The following ZC3H12A variants were observed in gnomAD, a reference collection of about 807,000 sequenced individuals.
The protein encoded by ZC3H12A is zinc finger CCCH-type containing 12A, also known as endoribonuclease ZC3H12A.
ZC3H12A carries 9 observed loss-of-function variants against 29.9 expected under a neutral mutation model. The observed-to-expected ratio is 0.30, with a 90% CI of 0.18 to 0.53. The LOEUF (loss-of-function observed/expected upper bound fraction) is 0.53. ZC3H12A is among the 20% of genes least tolerant of loss of function. The probability of loss-of-function intolerance (pLI) is 0.96; values close to 1 mark genes in which losing one functional copy is unlikely to be tolerated. For synonymous variants in ZC3H12A, 323 were observed against 338.1 expected (o/e 0.96, Z 0.49); for missense variants, 617 against 799.0 (o/e 0.77, Z 2.75).
intron 3 of ZC3H12A, 125 bp downstream of exon 3, chr1:37,480,554 TCA>T (rs1299954268): frequency 1.5e-5 from 20 of 1,336,538 alleles, no homozygotes; most frequent in East Asian, 5.2e-5. Context: ...ATTTCTTTTC[TCA>T]GTTTTTTCTG....
In ZC3H12A at chr1:37,481,735, G is replaced by A. The variant is rs16824179; in HGVS notation, c.718G>A (p.Val240Met). 1,555 of 1,614,240 alleles carry A rather than the reference G, an allele frequency of 9.6e-4. 4 individuals carry two copies. Among genetic ancestry groups the A allele is most frequent in the African/African-American group, 9.2e-3 (688 of 75,060 alleles). ...VKLAYESDGI[V>M]VSNDTYRDLQ... ...GCTGGCCTACGAGTCTGACGGGATCGTGGTTTCCAACGACACATACCGTGA... is the reference window on the plus strand; with the variant it reads ...GCTGGCCTACGAGTCTGACGGGATCATGGTTTCCAACGACACATACCGTGA... The change falls in exon 4 of 6, where the codon GTG becomes ATG. Residue 240 changes from valine to methionine, a missense_variant. Coordinates refer to ENST00000373087, the MANE Select transcript of ZC3H12A (RefSeq NM_025079.3).
Position 37,475,510 on chromosome 1 carries a change from G to A in ZC3H12A, c.14G>A (p.Cys5Tyr). The stretch of plus-strand genomic sequence containing the variant: ...GGAGTCTGAGCTATGAGTGGCCCCT[G>A]TGGAGAGAAGCCTGTCCTGGAAGCC... MSGPCGEKPVLEASP... is the reference protein window; with the variant it reads MSGPYGEKPVLEASP... Residue 5 changes from cysteine to tyrosine, a missense_variant, in exon 2 of 6, where the codon TGT becomes TAT. Physicochemically the swap from Cys to Tyr is radical, Grantham distance 194. Coordinates refer to ENST00000373087, the MANE Select transcript of ZC3H12A (RefSeq NM_025079.3). The surrounding 1 kb of genome is among the most constrained non-coding windows in gnomAD (Gnocchi z 5.2). 1.9e-6 allele frequency: 3 copies of A among 1,608,774 alleles called. No individual in the cohort carries two copies. The highest frequency in any genetic ancestry group is 2.5e-6 in the Non-Finnish European group (3 of 1,177,534).
In ZC3H12A at chr1:37,483,729, G is replaced by A; in HGVS notation, c.*118G>A. 3.0e-6 allele frequency: 4 copies of A among 1,331,450 alleles called. No individual in the cohort carries two copies. Among genetic ancestry groups the A allele is most frequent in the South Asian group, 1.5e-5 (1 of 65,152 alleles). The allele number at this position is 1,331,450 out of a possible 1,614,324, so 82.5% of individuals were successfully genotyped here. On this transcript the variant is annotated 3_prime_UTR_variant, in exon 6 of 6. Transcript: ENST00000373087. ...GCCCACCCCAGAGGCTGGACAGAGG[G>A]AGGATTCAAGTCGGGAAGGAAACCC...
At position 37,478,701 on chromosome 1, in the gene ZC3H12A, C is replaced by T. The variant is rs1641640465; in HGVS notation, c.444-1589C>T. 5.9e-6 allele frequency: 2 copies of T among 339,164 alleles called. No homozygotes were observed. Among genetic ancestry groups the T allele is most frequent in the African/African-American group, 4.4e-5 (2 of 45,188 alleles). The allele number at this position is 339,164 out of a possible 1,614,324, so 21.0% of individuals were successfully genotyped here. On this transcript the variant is annotated intron_variant, in intron 2 of 5. Transcript: ENST00000373087. This position sits in a 1 kb window ranked among gnomAD's most constrained non-coding sequence, Gnocchi z 5.2. ...CTGCTGTGTGACCCTGGTGACTAAG[C>T]TGCCTTCTCTGGACCACAGTTTTCA...
chr1:37,482,928 CAG>C lies in ZC3H12A; in HGVS notation c.1118_1119del (p.Gln373LeufsTer35). 6.2e-7 allele frequency: 1 copy of C among 1,613,656 alleles called. No homozygotes were observed. Among genetic ancestry groups the C allele is most frequent in the South Asian group, 1.1e-5 (1 of 91,078 alleles). ...QSSSLLTESE[Q>X]CSLDGKKLGA... ...CAGCTCTCTGCTAACAGAGAGTGAG[CAG>C]TGCAGCCTGGATGGGAAGAAGCTGG... On this transcript the variant is annotated frameshift_variant, in exon 6 of 6. Coordinates refer to ENST00000373087, the MANE Select transcript of ZC3H12A (RefSeq NM_025079.3). LOFTEE classifies it low-confidence loss of function (END_TRUNC).
Position 37,481,755 on chromosome 1 carries a change from C to T in ZC3H12A, c.738C>T (p.Tyr246=). ...GGATCGTGGTTTCCAACGACACATA[C>T]CGTGACCTCCAAGGCGAGCGGCAGG... ...SDGIVVSNDT[Y]RDLQGERQEW... is the part of the protein sequence containing the mutation. The change falls in exon 4 of 6, where the codon TAC becomes TAT. Residue 246 remains tyrosine (Y), a synonymous_variant. Transcript: ENST00000373087. 1 of 1,614,236 alleles carries T rather than the reference C, an allele frequency of 6.2e-7. No individual in the cohort carries two copies. Among genetic ancestry groups the T allele is most frequent in the Non-Finnish European group, 8.5e-7 (1 of 1,180,040 alleles).
chr1:37,483,345 CGA>C lies in ZC3H12A; in HGVS notation c.1538_1539del (p.Glu513ValfsTer4). ...ACCCGCGCCCCCTGCCTTTCCACCT[CGA>C]GAGTACTGGTCTGAACCATACCCAC... ...YPPAPPAFPP[R>X]EYWSEPYPLP... On this transcript the variant is annotated frameshift_variant, in exon 6 of 6. Coordinates refer to ENST00000373087, the MANE Select transcript of ZC3H12A (RefSeq NM_025079.3). LOFTEE classifies it high-confidence loss of function. The C allele has an allele frequency of 6.2e-7, 1 of 1,614,156 alleles. No homozygotes were observed. Among genetic ancestry groups the C allele is most frequent in the Non-Finnish European group, 8.5e-7 (1 of 1,180,002 alleles).
At chr1:37,481,925 T>C in intron 4 of ZC3H12A, 90 bp downstream of exon 4, 2 of 1,357,106 alleles carry the variant, frequency 1.5e-6, no homozygotes, top group Non-Finnish European at 2.0e-6. Flanking sequence ...GGGGCTGGGC[T>C]CTGCGGGGCC....
intron 4 of ZC3H12A, 132 bp from the exon 5 acceptor site, chr1:37,482,302 G>A: frequency 3.9e-6 from 3 of 769,102 alleles, no homozygotes; most frequent in African/African-American, 1.7e-5. Context: ...GTTTTGCGGG[G>A]TCCTGGACAG....
intron 3 of ZC3H12A, 119 bp from the exon 4 acceptor site, chr1:37,481,482 G>C: frequency 2.2e-6 from 2 of 924,968 alleles, no homozygotes; most frequent in African/African-American, 1.6e-5. Context: ...GTTAGTTCTT[G>C]CCCCGGTGAC....
In ZC3H12A at chr1:37,484,298, T is replaced by C. The variant is rs954215736; in HGVS notation, c.*687T>C. 14 of 152,278 alleles carry C rather than the reference T, an allele frequency of 9.2e-5. No homozygotes were observed. Among genetic ancestry groups the C allele is most frequent in the African/African-American group, 3.4e-4 (14 of 41,452 alleles). The allele number at this position is 152,278 out of a possible 1,614,324, so 9.4% of individuals were successfully genotyped here. A position where few individuals can be genotyped will look rare whatever the true frequency, so the allele number is the denominator to read the frequency against. On this transcript the variant is annotated 3_prime_UTR_variant, in exon 6 of 6. Transcript: ENST00000373087. ...ACCTGTGTTTGTTTGTGTGCACATGTAAATTTTAAATATTTTAAGCAGAAA... is the reference window on the plus strand; with the variant it reads ...ACCTGTGTTTGTTTGTGTGCACATGCAAATTTTAAATATTTTAAGCAGAAA...
In ZC3H12A at chr1:37,479,546, T is replaced by C. The variant is rs1217215094; in HGVS notation, c.444-744T>C. 1.0e-6 allele frequency: 1 copy of C among 985,270 alleles called. No homozygotes were observed. The highest frequency in any genetic ancestry group is 1.2e-6 in the Non-Finnish European group (1 of 829,930). 61.0% of individuals were successfully genotyped at this position (985,270 alleles called of 1,614,324 possible). On this transcript the variant is annotated intron_variant, in intron 2 of 5. Coordinates refer to ENST00000373087, the MANE Select transcript of ZC3H12A (RefSeq NM_025079.3). This position sits in a 1 kb window ranked among gnomAD's most constrained non-coding sequence, Gnocchi z 4.5. ...TCCTGATGGTCTTTCTGCCTTGGGG[T>C]GAAGAGGCATTTGGGGGAATTGCCA...
At chr1:37,477,490 CT>C (rs1186150075) in intron 2 of ZC3H12A, among the ~76,000 whole-genome samples, 1 of 152,200 alleles carries the variant, frequency 6.6e-6, no homozygotes, top group Non-Finnish European at 1.5e-5. Context: ...GCCACCCCCC[CT>C]CCCCAGGGGC....
rs572638982 is a variant in ZC3H12A at position 37,482,371 on chromosome 1, T to C, written c.819-63T>C. 3.8e-5 allele frequency: 54 copies of C among 1,419,412 alleles called. No individual in the cohort carries two copies. The African/African-American group carries it at 7.1e-4, about 19-fold the overall frequency. 87.9% of individuals were successfully genotyped at this position (1,419,412 alleles called of 1,614,324 possible). Reference sequence around the variant, plus strand: ...CCAGCAAGGCTTGCCATCGGCCCCTTCTCAGCAATTAGAAGTCCCTGCATG... The same window carrying C: ...CCAGCAAGGCTTGCCATCGGCCCCTCCTCAGCAATTAGAAGTCCCTGCATG... On this transcript the variant is annotated intron_variant, in intron 4 of 5. Transcript: ENST00000373087.
chr1:37,474,789 C>T (rs1641546692), intron 1 of ZC3H12A, among the ~76,000 whole-genome samples, 160 bp downstream of exon 1: 1 of 152,052 alleles, frequency 6.6e-6, no homozygotes, highest in Non-Finnish European at 1.5e-5. Flanking sequence ...GCCCGCCGGG[C>T]CTCAGGACCC....
intron 1 of ZC3H12A, among the ~76,000 whole-genome samples, chr1:37,474,920 C>T (rs1641550634): frequency 6.6e-6 from 1 of 152,212 alleles, no homozygotes; most frequent in Non-Finnish European, 1.5e-5. Flanking sequence ...CTCCCGGCAG[C>T]CAACCAAAGT....
In ZC3H12A at chr1:37,481,571, C is replaced by G. The variant is rs777397897; in HGVS notation, c.584-30C>G. On this transcript the variant is annotated intron_variant, in intron 3 of 5. Transcript: ENST00000373087. The stretch of plus-strand genomic sequence containing the variant: ...GGCCTGGCTCTAGGTCCCGCTGGGC[C>G]CTGACCTGTGTGCACCCGTCACCTC... 7 of 1,610,836 alleles carry G rather than the reference C, an allele frequency of 4.3e-6. No individual in the cohort carries two copies. In the Admixed American group the frequency reaches 5.0e-5, roughly 12 times the overall value.
Position 37,476,389 on chromosome 1 carries a change from G to A in ZC3H12A, c.443+450G>A, listed in dbSNP as rs189562508. ...GTAGGCAGTGGTAGTAGCAGTTGTT[G>A]TTGTTATTTCAGGGGCTGGGCTTCT... On this transcript the variant is annotated intron_variant, in intron 2 of 5. Transcript: ENST00000373087. The surrounding 1 kb of genome is among the most constrained non-coding windows in gnomAD (Gnocchi z 6.0). 6.8e-3 allele frequency among the ~76,000 whole-genome samples: 1,041 copies of A among 152,338 alleles called. 44 individuals carry two copies. The highest frequency in any genetic ancestry group is 0.056 in the Admixed American group (854 of 15,298).
In ZC3H12A at chr1:37,483,767, T is replaced by G; in HGVS notation, c.*156T>G. The G allele has an allele frequency of 9.9e-7, 1 of 1,005,508 alleles. No homozygotes were observed. Among genetic ancestry groups the G allele is most frequent in the Non-Finnish European group, 1.4e-6 (1 of 707,292 alleles). The allele number at this position is 1,005,508 out of a possible 1,614,324, so 62.3% of individuals were successfully genotyped here. A position where few individuals can be genotyped will look rare whatever the true frequency, so the allele number is the denominator to read the frequency against. ...GGGAAGGAAACCCACAAACCAAAGATACTGTAGGATTGGTTCTGGCCCATG... is the reference window on the plus strand; with the variant it reads ...GGGAAGGAAACCCACAAACCAAAGAGACTGTAGGATTGGTTCTGGCCCATG... On this transcript the variant is annotated 3_prime_UTR_variant, in exon 6 of 6. Coordinates refer to ENST00000373087, the MANE Select transcript of ZC3H12A (RefSeq NM_025079.3).
Sources: gnomAD v4.1 joint callset for allele counts (sites outside exome capture counted in the v4.1 genomes callset) on GRCh38, gnomAD v4.1.1 for gene constraint, Gnocchi (gnomAD v3.1) non-coding constraint, MANE v1.5 for transcripts, NCBI Gene and HGNC (gene_info 2026-07-23, HGNC 2026-07-21) for gene names.